NT5DC3: variants seen among roughly 807,000 people sequenced by gnomAD.
NT5DC3 encodes the protein 5'-nucleotidase domain-containing protein 3.
A neutral mutation model predicts 67.8 loss-of-function variants in NT5DC3; 42 were observed. That is an observed-to-expected ratio of 0.62 (90% CI 0.48 to 0.80). NT5DC3 has a LOEUF of 0.80. Ranked by LOEUF, NT5DC3 falls within the 30% of genes least tolerant of loss-of-function variation. The probability of loss-of-function intolerance (pLI) is 0.00; values close to 1 mark genes in which losing one functional copy is unlikely to be tolerated. For missense variants in NT5DC3, 570 were observed against 696.4 expected, an observed-to-expected ratio of 0.82 and a Z score of 2.04; for synonymous variants, 237 against 255.6, an observed-to-expected ratio of 0.93 and a Z score of 0.69.
rs976594792 is a variant in NT5DC3 at position 103,837,087 on chromosome 12, T to C, written c.208+3862A>G. 7.9e-5 allele frequency among the ~76,000 whole-genome samples: 12 copies of C among 152,314 alleles called. 1 individual carries two copies. Among genetic ancestry groups the C allele is most frequent in the East Asian group, 1.9e-4 (1 of 5,188 alleles). ...TTCCATACATCTTCTGAAATCTAGG[T>C]AGAGGTTCCCAAACTCGATTCTTGA... On this transcript the variant is annotated intron_variant, in intron 1 of 13. Transcript: ENST00000392876.
intron 1 of NT5DC3, among the ~76,000 whole-genome samples, chr12:103,826,036 T>C (rs11111802): frequency 0.24 from 36,219 of 152,100 alleles, 4,791 homozygotes; most frequent in Admixed American, 0.36. Context: ...CATTACAAGG[T>C]AGGTCAAATG....
Position 103,841,147 on chromosome 12 carries a change from C to T in NT5DC3, c.10G>A (p.Ala4Thr). The T allele has an allele frequency of 1.3e-6, 1 of 790,572 alleles. No homozygotes were observed. Among genetic ancestry groups the T allele is most frequent in the Non-Finnish European group, 1.8e-6 (1 of 549,828 alleles). 49.0% of individuals were successfully genotyped at this position (790,572 alleles called of 1,614,324 possible). The change falls in exon 1 of 14, where the codon GCA becomes ACA. Residue 4 changes from alanine to threonine, a missense_variant. Physicochemically the swap from Ala to Thr is moderately conservative, Grantham distance 58. Coordinates refer to ENST00000392876, the MANE Select transcript of NT5DC3 (RefSeq NM_001031701.3). Reference sequence around the variant, plus strand: ...CCGCGTGCCACCACCGCCGCCGCTGCCATGGTCATGCCTGCTGCCTGCTGC... The same window carrying T: ...CCGCGTGCCACCACCGCCGCCGCTGTCATGGTCATGCCTGCTGCCTGCTGC... MTMAAAAVVARGAG... is the reference protein window; with the variant it reads MTMTAAAVVARGAG...
At chr12:103,758,207 G>A in the NT5DC3 span, 50 of 1,614,038 alleles carry the variant, frequency 3.1e-5, no homozygotes, top group East Asian at 4.5e-4. Flanking sequence ...GCTCGAGGCC[G>A]TGCATTTCTA....
the NT5DC3 span, chr12:103,757,866 G>A: frequency 2.6e-6 from 1 of 387,108 alleles, no homozygotes; most frequent in South Asian, 2.9e-5. Context: ...GAGTGAAGTG[G>A]GGGGCCACTG....
chr12:103,811,397 G>C (rs1014955474), intron 2 of NT5DC3, among the ~76,000 whole-genome samples: 4 of 152,144 alleles, frequency 2.6e-5, no homozygotes, highest in African/African-American at 9.7e-5. Context: ...GAGGAGAGGA[G>C]ACGGCTGGAG....
At chr12:103,781,631 T>C (rs10861098) in intron 12 of NT5DC3, among the ~76,000 whole-genome samples, 58,009 of 152,138 alleles carry the variant, frequency 0.38, 12,162 homozygotes, top group East Asian at 0.88. Flanking sequence ...AGATTTCTCC[T>C]GGTGCCCAAC....
rs1885235374 is a variant in NT5DC3, at chr12:103,773,285, C to G, written c.*4544G>C. The G allele has an allele frequency of 6.6e-6, 1 of 152,186 alleles. No individual in the cohort carries two copies. The highest frequency in any genetic ancestry group is 6.5e-5 in the Admixed American group (1 of 15,270). 9.4% of individuals were successfully genotyped at this position (152,186 alleles called of 1,614,324 possible). On this transcript the variant is annotated 3_prime_UTR_variant, in exon 14 of 14. Transcript: ENST00000392876. ...AACACAGCCATGACCATGGTCATTCCCACAGTAGTAGTAGCAAAAGCAAAC... is the reference window on the plus strand; with the variant it reads ...AACACAGCCATGACCATGGTCATTCGCACAGTAGTAGTAGCAAAAGCAAAC...
At chr12:103,816,542 TG>T (rs1887260946) in intron 1 of NT5DC3, among the ~76,000 whole-genome samples, 1 of 152,218 alleles carries the variant, frequency 6.6e-6, no homozygotes, top group Non-Finnish European at 1.5e-5. Context: ...ATGTTAGGTT[TG>T]GGTTTCTTTT....
At chr12:103,790,969 G>A (rs1200832689) in intron 9 of NT5DC3, among the ~76,000 whole-genome samples, 2 of 152,104 alleles carry the variant, frequency 1.3e-5, no homozygotes, top group African/African-American at 4.8e-5. Flanking sequence ...GATTATAGGC[G>A]TGAGCCACCG....
the NT5DC3 span, chr12:103,759,289 G>A: frequency 1.9e-6 from 3 of 1,611,166 alleles, no homozygotes; most frequent in Admixed American, 1.7e-5. Flanking sequence ...AAGTCTTCTG[G>A]GCTTCTTGGG....
At chr12:103,817,209 T>C (rs1175415653) in intron 1 of NT5DC3, among the ~76,000 whole-genome samples, 2 of 152,148 alleles carry the variant, frequency 1.3e-5, no homozygotes, top group African/African-American at 2.4e-5. Flanking sequence ...ATATCCTAGA[T>C]GAAATTCAGG....
chr12:103,775,552 A>G lies in NT5DC3; in HGVS notation c.*2277T>C, dbSNP rs1885314167. The G allele has an allele frequency of 6.6e-6, 1 of 152,022 alleles. No individual in the cohort carries two copies. The highest frequency in any genetic ancestry group is 1.5e-5 in the Non-Finnish European group (1 of 68,000). The allele number at this position is 152,022 out of a possible 1,614,324, so 9.4% of individuals were successfully genotyped here. A position where few individuals can be genotyped will look rare whatever the true frequency, so the allele number is the denominator to read the frequency against. ...AAGAACACCAGCGCATTCTTTTAGA[A>G]CCCCGACACCGAGCAGTTCTGGGCG... On this transcript the variant is annotated 3_prime_UTR_variant, in exon 14 of 14. Coordinates refer to ENST00000392876, the MANE Select transcript of NT5DC3 (RefSeq NM_001031701.3).
chr12:103,758,618 G>C, the NT5DC3 span, among the ~76,000 whole-genome samples: 10 of 152,288 alleles, frequency 6.6e-5, no homozygotes, highest in East Asian at 1.7e-3. Context: ...GCCTCTGTTT[G>C]GTCACATTTG....
chr12:103,783,737 A>G (rs899211444), intron 12 of NT5DC3, among the ~76,000 whole-genome samples: 1 of 151,648 alleles, frequency 6.6e-6, no homozygotes, highest in Non-Finnish European at 1.5e-5. Flanking sequence ...TAAAACACAC[A>G]TTCCTTAGTA....
chr12:103,823,128 C>T (rs753079614), intron 1 of NT5DC3, among the ~76,000 whole-genome samples: 80 of 150,598 alleles, frequency 5.3e-4, no homozygotes, highest in Non-Finnish European at 1.8e-4. Flanking sequence ...TCCTAGATTT[C>T]AAGCTGTTTT....
At chr12:103,796,766 C>A in intron 6 of NT5DC3, 128 bp downstream of exon 6, 1 of 883,650 alleles carries the variant, frequency 1.1e-6, no homozygotes, top group South Asian at 1.6e-5. Context: ...GGTTAAACCA[C>A]ATATAAGAGT....
chr12:103,823,110 G>A (rs1887555712), intron 1 of NT5DC3, among the ~76,000 whole-genome samples: 1 of 151,314 alleles, frequency 6.6e-6, no homozygotes, highest in Non-Finnish European at 1.5e-5. Context: ...TTTTATTTTT[G>A]GTATATGTCC....
At chr12:103,793,287 G>A (rs780588651) in intron 8 of NT5DC3, 22 bp from the exon 9 acceptor site, 6 of 1,589,240 alleles carry the variant, frequency 3.8e-6, no homozygotes, top group Non-Finnish European at 5.2e-6. Context: ...AGTCAGCCAG[G>A]TTAGTCTAAC....
chr12:103,771,923 T>G (rs542602846), downstream of NT5DC3, among the ~76,000 whole-genome samples: 6 of 152,196 alleles, frequency 3.9e-5, no homozygotes, highest in African/African-American at 1.4e-4. Flanking sequence ...TGGGACAGAT[T>G]TGCTAGTGAG....
Sources: allele counts gnomAD v4.1 joint callset (sites outside exome capture counted in the v4.1 genomes callset), GRCh38; gene constraint gnomAD v4.1.1; transcripts MANE v1.5; gene names NCBI Gene and HGNC (gene_info 2026-07-23, HGNC 2026-07-21).